DGKB: variants seen among roughly 807,000 people sequenced by gnomAD.
DGKB encodes the protein diacylglycerol kinase beta, also known as 90 kDa diacylglycerol kinase.
A neutral mutation model predicts 114.3 loss-of-function variants in DGKB; 67 were observed. The ratio of observed to expected loss-of-function variants is 0.59; its 90% CI spans 0.48 to 0.72. DGKB has a LOEUF of 0.72. DGKB is among the 30% of genes least tolerant of loss of function. The probability of loss-of-function intolerance (pLI) is 0.00; values close to 1 mark genes in which losing one functional copy is unlikely to be tolerated. For synonymous variants in DGKB, 398 were observed against 323.1 expected, an observed-to-expected ratio of 1.23 and a Z score of -2.49; for missense variants, 907 against 975.2, an observed-to-expected ratio of 0.93 and a Z score of 0.93.
At chr7:14,707,796 T>A (rs1300872451) in intron 6 of DGKB, among the ~76,000 whole-genome samples, 1 of 55,922 alleles carries the variant, frequency 1.8e-5, no homozygotes, top group African/African-American at 6.3e-5. Flanking sequence ...CTCAATAAAT[T>A]AGGTATCGAT....
chr7:14,620,165 C>T (rs1807340446), intron 15 of DGKB, among the ~76,000 whole-genome samples: 1 of 151,034 alleles, frequency 6.6e-6, no homozygotes, highest in African/African-American at 2.4e-5. Context: ...ATATGAGTTC[C>T]AAAATGTACA....
At chr7:14,244,316 G>A (rs781400481) in intron 23 of DGKB, among the ~76,000 whole-genome samples, 3 of 151,996 alleles carry the variant, frequency 2.0e-5, no homozygotes, top group Admixed American at 2.0e-4. Flanking sequence ...GAATGCTTGC[G>A]TTCTTCCCAA....
At chr7:14,721,382 T>G (rs1458497679) in intron 5 of DGKB, among the ~76,000 whole-genome samples, 3 of 152,208 alleles carry the variant, frequency 2.0e-5, no homozygotes, top group African/African-American at 7.2e-5. Context: ...AATTTGTATT[T>G]AGCATCACGT....
intron 2 of DGKB, among the ~76,000 whole-genome samples, chr7:14,777,171 G>C (rs115955642): frequency 6.6e-6 from 1 of 152,022 alleles, no homozygotes; most frequent in Non-Finnish European, 1.5e-5. Context: ...CTGTACCCCC[G>C]TTGTATCTAG....
chr7:14,468,293 AAT>A (rs1780775946), intron 21 of DGKB, among the ~76,000 whole-genome samples: 1 of 152,034 alleles, frequency 6.6e-6, no homozygotes, highest in Non-Finnish European at 1.5e-5. Context: ...TCCATTGTCT[AAT>A]TAGTTTAGAG....
At chr7:14,247,375 A>G (rs1482305845) in intron 23 of DGKB, among the ~76,000 whole-genome samples, 1 of 152,140 alleles carries the variant, frequency 6.6e-6, no homozygotes, top group Admixed American at 6.5e-5. Flanking sequence ...CCCAGCATTT[A>G]GATTGCTGGA....
In DGKB at chr7:14,941,826, C is replaced by T. The variant is rs531752527; in HGVS notation, c.-188+32870G>A. Among the ~76,000 whole-genome samples the T allele has an allele frequency of 3.0e-4, 45 of 151,950 alleles. 3 individuals are homozygous for T. The highest frequency in any genetic ancestry group is 4.4e-4 in the Non-Finnish European group (30 of 67,898). ...ATGATTTAGATACAGATGAATAAAA[C>T]GGATGATTAGAAGCAAAACAGGCAT... On this transcript the variant is annotated intron_variant, in intron 1 of 4. Coordinates refer to the DGKB transcript ENST00000437998.
chr7:14,750,202 G>T (rs747327947), intron 4 of DGKB: 2 of 513,402 alleles, frequency 3.9e-6, no homozygotes, highest in Admixed American at 2.0e-5. Context: ...TGCACATTAT[G>T]TTATAGTTAA....
chr7:14,252,144 A>C (rs963944504), intron 23 of DGKB, among the ~76,000 whole-genome samples: 5 of 151,944 alleles, frequency 3.3e-5, no homozygotes, highest in Non-Finnish European at 7.4e-5. Flanking sequence ...GGCTTTCTTG[A>C]TGGTGTCCCA....
intron 23 of DGKB, among the ~76,000 whole-genome samples, chr7:14,298,678 C>G (rs1802994041): frequency 6.6e-6 from 1 of 152,104 alleles, no homozygotes; most frequent in Non-Finnish European, 1.5e-5. Context: ...CAACAAAAGC[C>G]AAAATTAACA....
At chr7:14,885,938 C>T (rs1015826963) in intron 1 of DGKB, among the ~76,000 whole-genome samples, 9 of 151,432 alleles carry the variant, frequency 5.9e-5, no homozygotes, top group South Asian at 4.2e-4. Flanking sequence ...GGTGAATCTA[C>T]GGCTAATTTA....
chr7:14,486,827 A>G (rs1783883225), intron 20 of DGKB, among the ~76,000 whole-genome samples: 1 of 152,082 alleles, frequency 6.6e-6, no homozygotes, highest in Admixed American at 6.6e-5. Flanking sequence ...AGTATTGACA[A>G]TTATTAATTA....
intron 20 of DGKB, among the ~76,000 whole-genome samples, chr7:14,490,641 C>A (rs1563309615): frequency 6.6e-6 from 1 of 152,160 alleles, no homozygotes; most frequent in Non-Finnish European, 1.5e-5. Flanking sequence ...AGCTGTCCTA[C>A]TGGCTTTGAA....
At chr7:14,342,890 T>C (rs570063742) in intron 22 of DGKB, among the ~76,000 whole-genome samples, 25 of 151,986 alleles carry the variant, frequency 1.6e-4, no homozygotes, top group African/African-American at 6.0e-4. Flanking sequence ...TAGTTTGATT[T>C]TGAAAAAGCT....
At chr7:14,736,642 A>C (rs1283853731) in intron 4 of DGKB, among the ~76,000 whole-genome samples, 2 of 152,194 alleles carry the variant, frequency 1.3e-5, no homozygotes, top group Admixed American at 1.3e-4. Flanking sequence ...TTTGCTTGTC[A>C]CTAATGGTGA....
At chr7:14,196,311 A>T (rs191262440) in intron 23 of DGKB, among the ~76,000 whole-genome samples, 1 of 152,192 alleles carries the variant, frequency 6.6e-6, no homozygotes, top group Admixed American at 6.6e-5. Flanking sequence ...GAATTATTCT[A>T]GTCATAAAAG....
chr7:14,450,221 G>A (rs772263792), intron 21 of DGKB, among the ~76,000 whole-genome samples: 1 of 152,078 alleles, frequency 6.6e-6, no homozygotes, highest in Non-Finnish European at 1.5e-5. Flanking sequence ...GAATGCCTGT[G>A]AATCTCCTAC....
chr7:14,705,942 C>G (rs1296632482), intron 6 of DGKB, among the ~76,000 whole-genome samples: 12 of 151,744 alleles, frequency 7.9e-5, no homozygotes, highest in Admixed American at 7.9e-4. Flanking sequence ...ATCATGATGA[C>G]AGGATCAAAT....
chr7:14,626,634 C>A (rs6461112), intron 14 of DGKB, among the ~76,000 whole-genome samples: 1 of 152,180 alleles, frequency 6.6e-6, no homozygotes, highest in Non-Finnish European at 1.5e-5. Context: ...ATGGACTGAA[C>A]GTGGGATTTG....
Sources: allele counts gnomAD v4.1 joint callset (sites outside exome capture counted in the v4.1 genomes callset), GRCh38; gene constraint gnomAD v4.1.1; transcripts MANE v1.5; gene names NCBI Gene and HGNC (gene_info 2026-07-23, HGNC 2026-07-21).